Variants in ZEB2 observed in about 807,000 individuals in gnomAD.
The protein encoded by ZEB2 is zinc finger E-box binding homeobox 2.
A neutral mutation model predicts 99.9 loss-of-function variants in ZEB2; 6 were observed. That is an observed-to-expected ratio of 0.06 (90% CI 0.03 to 0.12). The LOEUF is 0.12. Among genes scored for constraint, ZEB2 ranks in the 10% least tolerant of loss-of-function variants. ZEB2 has a pLI of 1.00. For missense variants in ZEB2, 969 were observed against 1,502.8 expected, an observed-to-expected ratio of 0.64 and a Z score of 5.87; for synonymous variants, 517 against 542.5, an observed-to-expected ratio of 0.95 and a Z score of 0.65.
intron 3 of ZEB2, chr2:144,427,215 C>T (rs1703701599): frequency 6.6e-6 from 1 of 152,180 alleles, no homozygotes. Context: ...TTATTTAAGT[C>T]TGTGTCAATG....
intron 2 of ZEB2, chr2:144,513,323 A>G (rs1458372145): frequency 1.5e-6 from 2 of 1,298,608 alleles, no homozygotes; most frequent in Admixed American, 2.3e-5. Flanking sequence ...CCCTGAGAAC[A>G]TTCAACTTGA....
intron 2 of ZEB2, chr2:144,495,350 AAC>A (rs1460330621): frequency 5.9e-5 from 9 of 152,198 alleles, no homozygotes; most frequent in Non-Finnish European, 1.3e-4. Flanking sequence ...GTCTTCCTTA[AAC>A]ACACACAGAG....
chr2:144,513,565 C>A (rs1560658556), intron 2 of ZEB2: 1 of 1,527,412 alleles, frequency 6.5e-7, no homozygotes, highest in African/African-American at 1.4e-5. Flanking sequence ...TTTGCTACAA[C>A]GTGCATGTCT....
intron 3 of ZEB2, 84 bp from the exon 4 acceptor site, chr2:144,424,951 A>G: frequency 7.0e-7 from 1 of 1,436,494 alleles, no homozygotes; most frequent in South Asian, 1.2e-5. Context: ...AACAAGGAAG[A>G]TTCTTTTAAA....
chr2:144,466,198 GA>G (rs1302970108), intron 2 of ZEB2, among the ~76,000 whole-genome samples: 4 of 152,186 alleles, frequency 2.6e-5, no homozygotes, highest in Non-Finnish European at 4.4e-5. Flanking sequence ...CCTTAGGGGG[GA>G]AAAGTCTGTT....
At chr2:144,485,296 T>A (rs1704578158) in intron 2 of ZEB2, among the ~76,000 whole-genome samples, 1 of 152,192 alleles carries the variant, frequency 6.6e-6, no homozygotes, top group Non-Finnish European at 1.5e-5. Context: ...AATGCCAGAT[T>A]ATGCAATGAT....
At chr2:144,431,547 C>T (rs927237810) in intron 2 of ZEB2, among the ~76,000 whole-genome samples, 1 of 151,850 alleles carries the variant, frequency 6.6e-6, no homozygotes, top group African/African-American at 2.4e-5. Flanking sequence ...GCAGCGGAGC[C>T]GGGCAAACAG....
At chr2:144,435,658 T>C (rs573040428) in intron 2 of ZEB2, among the ~76,000 whole-genome samples, 15 of 151,970 alleles carry the variant, frequency 9.9e-5, no homozygotes, top group African/African-American at 3.6e-4. Context: ...GTTTCCTAAA[T>C]CTCTTATGCT....
At chr2:144,406,226 G>A (rs1324116213) in intron 4 of ZEB2, among the ~76,000 whole-genome samples, 2 of 152,026 alleles carry the variant, frequency 1.3e-5, no homozygotes, top group African/African-American at 2.4e-5. Context: ...AATAGAAAGT[G>A]GAACTATCCA....
intron 2 of ZEB2, among the ~76,000 whole-genome samples, chr2:144,434,371 G>GAATAT (rs1703810734): frequency 6.6e-6 from 1 of 152,112 alleles, no homozygotes; most frequent in Non-Finnish European, 1.5e-5. Context: ...TTTATTTGGA[G>GAATAT]AAATATAATC....
At position 144,399,262 on chromosome 2, in the gene ZEB2, T is replaced by C; in HGVS notation, c.1925A>G (p.Glu642Gly). The part of the protein sequence containing the change: ...KALLLSSVLS[E>G]KGMTSPINPY... ...GTTGATGGGGCTTGTCATTCCTTTC[T>C]CAGAAAGTACAGATGACAAGAGGAG... Residue 642 changes from glutamate to glycine, a missense_variant, in exon 8 of 10, where the codon GAG becomes GGG. Physicochemically the swap from Glu to Gly is moderately conservative, Grantham distance 98. Transcript: ENST00000627532. The surrounding 1 kb of genome is among the most constrained non-coding windows in gnomAD (Gnocchi z 5.6). 6.2e-7 allele frequency: 1 copy of C among 1,614,128 alleles called. No individual in the cohort carries two copies. The highest frequency in any genetic ancestry group is 1.1e-5 in the South Asian group (1 of 91,080).
chr2:144,519,246 C>CCT, intron 1 of ZEB2: 1 of 152,314 alleles, frequency 6.6e-6, no homozygotes, highest in South Asian at 2.1e-4. Flanking sequence ...GTAGTGCCCC[C>CCT]CCCTCCACTT....
chr2:144,468,965 T>A (rs1475506361), intron 2 of ZEB2, among the ~76,000 whole-genome samples: 1 of 152,104 alleles, frequency 6.6e-6, no homozygotes, highest in Admixed American at 6.6e-5. Context: ...ATTCATTCTA[T>A]CAGTCACTCA....
chr2:144,390,291 T>A (rs139904694), intron 9 of ZEB2, among the ~76,000 whole-genome samples: 1 of 152,314 alleles, frequency 6.6e-6, no homozygotes, highest in East Asian at 1.9e-4. Context: ...GACAGGAAGC[T>A]TTCCATTGCT....
intron 4 of ZEB2, among the ~76,000 whole-genome samples, chr2:144,410,547 G>A (rs1360766379): frequency 1.3e-5 from 2 of 152,108 alleles, no homozygotes; most frequent in Admixed American, 1.3e-4. Context: ...TAATCAAGTT[G>A]CTTTAGAATA....
rs1703107589 is a variant in ZEB2 at position 144,388,019 on chromosome 2, G to A, written c.*1432C>T. On this transcript the variant is annotated 3_prime_UTR_variant, in exon 10 of 10. Coordinates refer to ENST00000627532, the MANE Select transcript of ZEB2 (RefSeq NM_014795.4). This position sits in a 1 kb window ranked among gnomAD's most constrained non-coding sequence, Gnocchi z 5.4. ...ACAGAACTCATTAACTACATTCTTA[G>A]TTTGGCTACATTTTTATTCGAGCAT... 6.6e-6 allele frequency: 1 copy of A among 152,576 alleles called. No individual in the cohort carries two copies. The highest frequency in any genetic ancestry group is 6.5e-5 in the Admixed American group (1 of 15,270). 9.5% of individuals were successfully genotyped at this position (152,576 alleles called of 1,614,324 possible).
chr2:144,424,945 A>C, intron 3 of ZEB2, 78 bp from the exon 4 acceptor site: 5 of 1,468,072 alleles, frequency 3.4e-6, no homozygotes, highest in Non-Finnish European at 4.8e-6. Context: ...CACAGGAACA[A>C]GGAAGATTCT....
chr2:144,475,663 CT>C (rs1176164937), intron 2 of ZEB2, among the ~76,000 whole-genome samples: 2 of 152,034 alleles, frequency 1.3e-5, no homozygotes, highest in Non-Finnish European at 2.9e-5. Flanking sequence ...ACTGATAGCT[CT>C]TGAATTTGCT....
At chr2:144,499,451 A>C (rs1704837554) in intron 2 of ZEB2, among the ~76,000 whole-genome samples, 1 of 152,212 alleles carries the variant, frequency 6.6e-6, no homozygotes, top group Non-Finnish European at 1.5e-5. Flanking sequence ...AAATATAGTA[A>C]GTTGATAGCA....
Sources: gnomAD v4.1 joint callset for allele counts (sites outside exome capture counted in the v4.1 genomes callset) on GRCh38, gnomAD v4.1.1 for gene constraint, Gnocchi (gnomAD v3.1) non-coding constraint, MANE v1.5 for transcripts, NCBI Gene and HGNC (gene_info 2026-07-23, HGNC 2026-07-21) for gene names.